ZEB2: variants seen among roughly 807,000 people sequenced by gnomAD.
The protein encoded by ZEB2 is zinc finger E-box-binding homeobox 2.
ZEB2 carries 6 observed loss-of-function variants against 99.9 expected under a neutral mutation model. The observed-to-expected ratio is 0.06, with a 90% CI of 0.03 to 0.12. ZEB2 has a LOEUF of 0.12. ZEB2 is among the 10% of genes least tolerant of loss of function. The pLI, the probability that ZEB2 is intolerant of heterozygous loss-of-function variation, is 1.00. For synonymous variants in ZEB2, 517 were observed against 542.5 expected (o/e 0.95, Z 0.65); for missense variants, 969 against 1,502.8 (o/e 0.64, Z 5.87).
chr2:144,436,789 A>G (rs1017398346), intron 2 of ZEB2, among the ~76,000 whole-genome samples: 3 of 152,192 alleles, frequency 2.0e-5, no homozygotes, highest in Non-Finnish European at 4.4e-5. Context: ...CATAATGGCA[A>G]ATAAGAATAA....
At chr2:144,517,709 G>A (rs912600041) in intron 1 of ZEB2, 10 of 702,680 alleles carry the variant, frequency 1.4e-5, no homozygotes, top group African/African-American at 1.2e-4. Context: ...TGCACACGGC[G>A]GTACAGTAAG....
chr2:144,399,351 C>A lies in ZEB2; in HGVS notation c.1836G>T (p.Ala612=). 1 of 1,614,070 alleles carries A rather than the reference C, an allele frequency of 6.2e-7. No individual in the cohort carries two copies. Among genetic ancestry groups the A allele is most frequent in the South Asian group, 1.1e-5 (1 of 91,074 alleles). The change falls in exon 8 of 10, where the codon GCG becomes GCT. Residue 612 remains alanine (A), a synonymous_variant. Coordinates refer to ENST00000627532, the MANE Select transcript of ZEB2 (RefSeq NM_014795.4). This position sits in a 1 kb window ranked among gnomAD's most constrained non-coding sequence, Gnocchi z 5.6. ...CTATGTTTTCATGAGGCTGCAGGAC[C>A]GCCTTGATCTCTTCATTCATCTTAC... ...YLCKMNEEIK[A]VLQPHENIVP... is the part of the protein sequence containing the mutation.
chr2:144,499,878 T>C (rs77286272), intron 2 of ZEB2, among the ~76,000 whole-genome samples: 1 of 152,306 alleles, frequency 6.6e-6, no homozygotes, highest in Non-Finnish European at 1.5e-5. Flanking sequence ...AATCTAGGTC[T>C]AAAATATGTG....
Position 144,398,818 on chromosome 2 carries a change from G to A in ZEB2, c.2369C>T (p.Ser790Phe). The change falls in exon 8 of 10, where the codon TCC becomes TTC. Residue 790 changes from serine (S) to phenylalanine (F), a missense_variant. Coordinates refer to ENST00000627532, the MANE Select transcript of ZEB2 (RefSeq NM_014795.4). ...ACTGTGGGAGTTTTTAGAAGATGTG[G>A]AGGAAAGATTTAAGGGAGAAGGAGT... Reference protein sequence around the residue: ...SNTPSPLNLSSTSSKNSHSSS... With the variant: ...SNTPSPLNLSFTSSKNSHSSS... The A allele has an allele frequency of 6.2e-7, 1 of 1,614,078 alleles. No homozygotes were observed. Among genetic ancestry groups the A allele is most frequent in the East Asian group, 2.2e-5 (1 of 44,880 alleles).
At chr2:144,398,198 T>C in intron 8 of ZEB2, 103 bp downstream of exon 8, 1 of 1,469,442 alleles carries the variant, frequency 6.8e-7, no homozygotes, top group East Asian at 2.4e-5. Flanking sequence ...AACTCTTCTG[T>C]TTCTGCTGAG....
chr2:144,466,690 G>A (rs138608106), intron 2 of ZEB2, among the ~76,000 whole-genome samples: 84 of 152,252 alleles, frequency 5.5e-4, no homozygotes, highest in African/African-American at 1.4e-3. Context: ...CTATTATACC[G>A]TAACAATAAA....
intron 2 of ZEB2, among the ~76,000 whole-genome samples, chr2:144,438,204 A>G (rs112538034): frequency 6.6e-6 from 1 of 152,124 alleles, no homozygotes; most frequent in Non-Finnish European, 1.5e-5. Flanking sequence ...CATCCAACAG[A>G]CCTATTTGGT....
intron 2 of ZEB2, among the ~76,000 whole-genome samples, chr2:144,501,076 G>A (rs141740378): frequency 1.3e-5 from 2 of 151,740 alleles, no homozygotes; most frequent in African/African-American, 4.8e-5. Context: ...AAATTGGATG[G>A]GGGGGTAGCG....
chr2:144,452,698 C>T (rs1310835267), intron 2 of ZEB2, among the ~76,000 whole-genome samples: 1 of 152,114 alleles, frequency 6.6e-6, no homozygotes, highest in African/African-American at 2.4e-5. Flanking sequence ...ACTCTCACCC[C>T]CCTGTCTTTT....
Position 144,519,621 on chromosome 2 carries a change from A to C in ZEB2, c.-70+318T>G, listed in dbSNP as rs1573824804. 2.8e-5 allele frequency: 6 copies of C among 215,538 alleles called. No individual in the cohort carries two copies. In the South Asian group the frequency reaches 3.8e-4, roughly 14 times the overall value. 13.4% of individuals were successfully genotyped at this position (215,538 alleles called of 1,614,324 possible). A position where few individuals can be genotyped will look rare whatever the true frequency, so the allele number is the denominator to read the frequency against. Reference sequence around the variant, plus strand: ...TATTCCAGCCATATAATTCTCAATAAAACTTTTCCTGGGCTGGATAGCAAA... The same window carrying C: ...TATTCCAGCCATATAATTCTCAATACAACTTTTCCTGGGCTGGATAGCAAA... On this transcript the variant is annotated intron_variant, in intron 1 of 9. Coordinates refer to ENST00000627532, the MANE Select transcript of ZEB2 (RefSeq NM_014795.4).
At chr2:144,508,891 A>G (rs2149929260) in intron 2 of ZEB2, among the ~76,000 whole-genome samples, 1 of 152,194 alleles carries the variant, frequency 6.6e-6, no homozygotes, top group African/African-American at 2.4e-5. Flanking sequence ...AATATTTTAA[A>G]AGCTAGAAAT....
At chr2:144,511,898 A>G in intron 2 of ZEB2, 1 of 1,287,208 alleles carries the variant, frequency 7.8e-7, no homozygotes, top group Non-Finnish European at 1.0e-6. Flanking sequence ...GCTAAAAAGC[A>G]TATTTGGGCT....
intron 4 of ZEB2, among the ~76,000 whole-genome samples, chr2:144,411,119 T>TACACAC (rs1366036154): frequency 6.7e-5 from 3 of 44,596 alleles, no homozygotes; most frequent in Non-Finnish European, 2.1e-4. Context: ...GGGCATCTCA[T>TACACAC]ATATACACAC....
chr2:144,517,613 G>C, intron 1 of ZEB2, 194 bp from the exon 2 acceptor site: 2 of 665,668 alleles, frequency 3.0e-6, no homozygotes, highest in Non-Finnish European at 5.4e-6. Flanking sequence ...GTTTGTTACT[G>C]TTTGGTGTGT....
chr2:144,404,197 G>A, intron 5 of ZEB2, 67 bp from the exon 6 acceptor site: 1 of 1,551,964 alleles, frequency 6.4e-7, no homozygotes, highest in South Asian at 1.1e-5. Flanking sequence ...GCAGCTAATG[G>A]GCTGACTGCC....
At chr2:144,466,936 T>A (rs1704279877) in intron 2 of ZEB2, among the ~76,000 whole-genome samples, 1 of 152,154 alleles carries the variant, frequency 6.6e-6, no homozygotes, top group Non-Finnish European at 1.5e-5. Context: ...GTGCTGCAGG[T>A]GTGCAGGCCT....
chr2:144,512,064 C>T (rs1201305843), intron 2 of ZEB2: 1 of 1,287,062 alleles, frequency 7.8e-7, no homozygotes, highest in East Asian at 5.5e-5. Context: ...ACAATTGCCC[C>T]CTTGTGGGAA....
intron 2 of ZEB2, chr2:144,511,271 AAGAAG>A (rs1333020514): frequency 7.6e-6 from 4 of 524,810 alleles, no homozygotes; most frequent in Non-Finnish European, 1.1e-5. Context: ...AGAGAACGGA[AAGAAG>A]AGAAAAGCCA....
chr2:144,458,016 A>C (rs1302448296), intron 2 of ZEB2, among the ~76,000 whole-genome samples: 1 of 152,144 alleles, frequency 6.6e-6, no homozygotes, highest in Non-Finnish European at 1.5e-5. Flanking sequence ...TCAGATACAT[A>C]ATGTGGTACA....
Sources: gnomAD v4.1 joint callset for allele counts (sites outside exome capture counted in the v4.1 genomes callset) on GRCh38, gnomAD v4.1.1 for gene constraint, Gnocchi (gnomAD v3.1) non-coding constraint, MANE v1.5 for transcripts, NCBI Gene and HGNC (gene_info 2026-07-23, HGNC 2026-07-21) for gene names.